IQCK: variants seen among roughly 807,000 people sequenced by gnomAD.
IQCK encodes IQ motif containing K, also known as IQ domain-containing protein K.
In IQCK, 29 loss-of-function variants were observed where a neutral mutation model predicts 28.1. The ratio of observed to expected loss-of-function variants is 1.03; its 90% CI spans 0.77 to 1.41. The LOEUF is 1.41. IQCK is among the 40% of genes most tolerant of loss of function. IQCK has a pLI of 0.00. For synonymous variants in IQCK, 113 were observed against 115.1 expected (o/e 0.98, Z 0.12); for missense variants, 359 against 314.7 (o/e 1.14, Z -1.07).
chr16:19,847,164 A>G (rs924856148), intron 9 of IQCK, among the ~76,000 whole-genome samples: 1 of 152,192 alleles, frequency 6.6e-6, no homozygotes, highest in Non-Finnish European at 1.5e-5. Context: ...AAGGTAGGTA[A>G]AGCCCTGAGC....
At chr16:19,727,020 A>G (rs1977676479) in intron 1 of IQCK, among the ~76,000 whole-genome samples, 1 of 151,944 alleles carries the variant, frequency 6.6e-6, no homozygotes, top group Non-Finnish European at 1.5e-5. Context: ...AATCCCAGCT[A>G]CTTGGGAGGC....
At chr16:19,815,634 G>C (rs2055978027) in intron 7 of IQCK, among the ~76,000 whole-genome samples, 1 of 152,220 alleles carries the variant, frequency 6.6e-6, no homozygotes, top group African/African-American at 2.4e-5. Context: ...TTGCACCACT[G>C]CATTCCAGCC....
chr16:19,827,758 G>A (rs74545103), downstream of IQCK, among the ~76,000 whole-genome samples: 4,494 of 152,184 alleles, frequency 0.03, 91 homozygotes, highest in Non-Finnish European at 0.045. Context: ...CATGTGAGCT[G>A]GGGGCCTTGA....
At chr16:19,766,603 A>T (rs955170553) in intron 6 of IQCK, among the ~76,000 whole-genome samples, 4 of 152,226 alleles carry the variant, frequency 2.6e-5, no homozygotes, top group Admixed American at 6.5e-5. Flanking sequence ...GACATTTAGG[A>T]CTGGATAATT....
Position 19,763,911 on chromosome 16 carries a change from C to A in IQCK, c.527+11C>A. 6.2e-7 allele frequency: 1 copy of A among 1,611,976 alleles called. No individual in the cohort carries two copies. The highest frequency in any genetic ancestry group is 8.5e-7 in the Non-Finnish European group (1 of 1,178,056). On this transcript the variant is annotated intron_variant, in intron 5 of 7. Transcript: ENST00000564186. ...TGAGTGGTTATACAAGTAAGTTGTT[C>A]GTGTCTGACTATTCAGTGATCCTAA...
At chr16:19,853,270 G>T (rs991983438) in intron 9 of IQCK, among the ~76,000 whole-genome samples, 5 of 152,058 alleles carry the variant, frequency 3.3e-5, no homozygotes, top group African/African-American at 1.2e-4. Flanking sequence ...GAGGCTCCAC[G>T]TCACACCTTG....
At chr16:19,731,414 CAG>C (rs1307349675) in intron 2 of IQCK, among the ~76,000 whole-genome samples, 19 of 152,208 alleles carry the variant, frequency 1.2e-4, no homozygotes, top group Middle Eastern at 3.2e-3. Flanking sequence ...CTGCCTCTGA[CAG>C]AGACATTGTG....
intron 7 of IQCK, among the ~76,000 whole-genome samples, chr16:19,817,462 A>G (rs115340466): frequency 0.024 from 3,661 of 152,182 alleles, 139 homozygotes; most frequent in African/African-American, 0.078. Flanking sequence ...TGTATTCTCT[A>G]TGGGTAAATA....
chr16:19,764,028 T>C lies in IQCK; in HGVS notation c.528-7T>C, dbSNP rs2055191809. On this transcript the variant is annotated splice_polypyrimidine_tract_variant and splice_region_variant and intron_variant, in intron 5 of 7. Coordinates refer to ENST00000564186, the Ensembl canonical transcript of IQCK. Reference sequence around the variant, plus strand: ...CTTGTCAATCAAACATATGGCATCATGACCAGCCAAAATCCAAAGAGGGCA... The same window carrying C: ...CTTGTCAATCAAACATATGGCATCACGACCAGCCAAAATCCAAAGAGGGCA... The C allele has an allele frequency of 6.2e-7, 1 of 1,613,936 alleles. No individual in the cohort carries two copies. Among genetic ancestry groups the C allele is most frequent in the African/African-American group, 1.3e-5 (1 of 75,070 alleles).
At chr16:19,718,571 G>C in intron 1 of IQCK, 84 bp downstream of exon 1, 1 of 1,273,036 alleles carries the variant, frequency 7.9e-7, no homozygotes, top group Non-Finnish European at 1.0e-6. Flanking sequence ...CTGTGCGCCT[G>C]TCGGCTGACG....
At chr16:19,752,959 T>C (rs1205274131) in intron 4 of IQCK, among the ~76,000 whole-genome samples, 3 of 152,136 alleles carry the variant, frequency 2.0e-5, no homozygotes, top group African/African-American at 4.8e-5. Context: ...TTCTCTCTCT[T>C]CTTCTCTTGA....
chr16:19,845,718 A>G lies in IQCK; in HGVS notation c.803-10769A>G, dbSNP rs563799343. On this transcript the variant is annotated intron_variant, in intron 9 of 9. Coordinates refer to the IQCK transcript ENST00000320394. ...TGATTTAAAGAAAACCTGCTTAAAT[A>G]TTTGTTTTAAAATATTATATTTTCC... Among the ~76,000 whole-genome samples the G allele has an allele frequency of 7.9e-5, 12 of 152,378 alleles. No homozygotes were observed. The South Asian group carries it at 1.2e-3, about 16-fold the overall frequency.
At chr16:19,793,560 G>A (rs1346340770) in intron 7 of IQCK, among the ~76,000 whole-genome samples, 2 of 97,126 alleles carry the variant, frequency 2.1e-5, no homozygotes, top group African/African-American at 1.0e-4. Flanking sequence ...TTCATTGACT[G>A]GAAGACTTGA....
rs115818273 is a variant in IQCK, at chr16:19,813,843, G to A, written c.691-13183G>A. ...CATTTTAAAGTCCTTGTGTTGTTTGGGAGGAGGCTGGACAGCCTTTTGTTT... is the reference window on the plus strand; with the variant it reads ...CATTTTAAAGTCCTTGTGTTGTTTGAGAGGAGGCTGGACAGCCTTTTGTTT... On this transcript the variant is annotated intron_variant, in intron 7 of 7. Transcript: ENST00000564186. Among the ~76,000 whole-genome samples, 624 of 152,024 alleles carry A rather than the reference G, an allele frequency of 4.1e-3. 9 individuals are homozygous for A. The highest frequency in any genetic ancestry group is 0.014 in the African/African-American group (601 of 41,480).
At chr16:19,853,642 T>C (rs1297041114) in intron 9 of IQCK, among the ~76,000 whole-genome samples, 1 of 152,154 alleles carries the variant, frequency 6.6e-6, no homozygotes, top group Non-Finnish European at 1.5e-5. Context: ...CTCTCTCTTT[T>C]TCTTTTTTTG....
At chr16:19,809,535 A>G (rs2055875966) in intron 7 of IQCK, among the ~76,000 whole-genome samples, 1 of 152,164 alleles carries the variant, frequency 6.6e-6, no homozygotes, top group Non-Finnish European at 1.5e-5. Context: ...AGGGGACAAA[A>G]ACAAAAACTT....
chr16:19,805,870 G>C (rs7185856), intron 7 of IQCK, among the ~76,000 whole-genome samples: 3,860 of 151,800 alleles, frequency 0.025, 153 homozygotes, highest in African/African-American at 0.09. Flanking sequence ...TTGGTGGGGT[G>C]GGGGGGCTAG....
intron 6 of IQCK, among the ~76,000 whole-genome samples, chr16:19,772,394 C>G (rs550776058): frequency 1.3e-5 from 2 of 150,958 alleles, no homozygotes; most frequent in African/African-American, 2.4e-5. Context: ...TTCAAAAAAA[C>G]GGTATAAAAA....
intron 9 of IQCK, among the ~76,000 whole-genome samples, chr16:19,852,153 G>A (rs1275327673): frequency 6.6e-6 from 1 of 152,096 alleles, no homozygotes; most frequent in Non-Finnish European, 1.5e-5. Context: ...CCTCAAAACA[G>A]CTAAATCATT....
Sources: gnomAD v4.1 joint callset for allele counts (sites outside exome capture counted in the v4.1 genomes callset) on GRCh38, gnomAD v4.1.1 for gene constraint, MANE v1.5 for transcripts, NCBI Gene and HGNC (gene_info 2026-07-23, HGNC 2026-07-21) for gene names.